The following PDE5A variants were observed in gnomAD, a reference collection of about 807,000 sequenced individuals.
PDE5A encodes the protein cGMP-specific 3',5'-cyclic phosphodiesterase.
Under a neutral mutation model 110.2 loss-of-function variants are expected in PDE5A, and 67 were observed. That is an observed-to-expected ratio of 0.61 (90% CI 0.50 to 0.75). PDE5A has a LOEUF of 0.75. PDE5A is among the 30% of genes least tolerant of loss of function. PDE5A has a pLI of 0.00. For synonymous variants in PDE5A, 328 were observed against 351.2 expected, an observed-to-expected ratio of 0.93 and a Z score of 0.74; for missense variants, 862 against 1,045.1, an observed-to-expected ratio of 0.82 and a Z score of 2.42.
intron 16 of PDE5A, among the ~76,000 whole-genome samples, chr4:119,506,868 TCTC>T (rs546630766): frequency 6.6e-6 from 1 of 151,866 alleles, no homozygotes; most frequent in African/African-American, 2.4e-5. Context: ...TGTTTTTACT[TCTC>T]CTAAGAGTAA....
chr4:119,616,616 C>T (rs890845539), intron 1 of PDE5A, among the ~76,000 whole-genome samples: 10 of 151,956 alleles, frequency 6.6e-5, no homozygotes, highest in African/African-American at 2.4e-4. Context: ...AGTAGAGCAC[C>T]CAGCAAAACT....
chr4:119,498,787 G>C (rs766493005), intron 20 of PDE5A, 49 bp from the exon 21 acceptor site: 17 of 1,606,780 alleles, frequency 1.1e-5, no homozygotes, highest in Non-Finnish European at 1.4e-5. Flanking sequence ...CAGGAAATAA[G>C]TCCTCTCCCA....
At chr4:119,513,189 G>C (rs1358108566) in intron 14 of PDE5A, among the ~76,000 whole-genome samples, 1 of 152,030 alleles carries the variant, frequency 6.6e-6, no homozygotes, top group Non-Finnish European at 1.5e-5. Flanking sequence ...TTCTGCCTTA[G>C]AGCTTTCTGA....
chr4:119,525,498 A>G lies in PDE5A; in HGVS notation c.1779+51T>C. The G allele has an allele frequency of 5.4e-6, 8 of 1,488,640 alleles. No individual in the cohort carries two copies. The highest frequency in any genetic ancestry group is 7.3e-6 in the Non-Finnish European group (8 of 1,092,256). 92.2% of individuals were successfully genotyped at this position (1,488,640 alleles called of 1,614,324 possible). A position where few individuals can be genotyped will look rare whatever the true frequency, so the allele number is the denominator to read the frequency against. The stretch of plus-strand genomic sequence containing the variant: ...TCAAAACCAATTCTCTCTCTTACAT[A>G]CACACACACATACACATAGACTTTT... On this transcript the variant is annotated intron_variant, in intron 12 of 20. Transcript: ENST00000354960. This position sits in a 1 kb window ranked among gnomAD's most constrained non-coding sequence, Gnocchi z 4.3.
In PDE5A at chr4:119,524,798, T is replaced by A. The variant is rs190813232; in HGVS notation, c.1779+751A>T. ...CTGAATTCTTTTTTTTAAATAGTCC[T>A]TTCTGCTGCTTCTTATTCTTTGATG... On this transcript the variant is annotated intron_variant, in intron 12 of 20. Transcript: ENST00000354960. Among the ~76,000 whole-genome samples the A allele has an allele frequency of 6.6e-5, 10 of 152,278 alleles. No homozygotes were observed. In the East Asian group the frequency reaches 1.9e-3, roughly 29 times the overall value.
Position 119,627,349 on chromosome 4 carries a change from GCCGC to G in PDE5A, c.152+1167_152+1170del, listed in dbSNP as rs1267670894. The G allele has an allele frequency of 4.0e-5, 42 of 1,041,428 alleles. No homozygotes were observed. The highest frequency in any genetic ancestry group is 4.8e-5 in the Non-Finnish European group (41 of 862,898). 64.5% of individuals were successfully genotyped at this position (1,041,428 alleles called of 1,614,324 possible). On this transcript the variant is annotated intron_variant, in intron 1 of 20. Coordinates refer to ENST00000354960, the MANE Select transcript of PDE5A (RefSeq NM_001083.4). This position sits in a 1 kb window ranked among gnomAD's most constrained non-coding sequence, Gnocchi z 4.6. ...TCGCCTCCCGCTCGCCCCGCGCTGC[GCCGC>G]CCCCTGGCGGGGAGCGACCGGCAGA...
At chr4:119,599,181 G>T (rs1729253585) in intron 2 of PDE5A, among the ~76,000 whole-genome samples, 1 of 152,126 alleles carries the variant, frequency 6.6e-6, no homozygotes, top group Non-Finnish European at 1.5e-5. Context: ...AAAAGAATCT[G>T]CCAGTAATTT....
intron 20 of PDE5A, chr4:119,499,806 C>T (rs908303980): frequency 3.3e-5 from 5 of 152,210 alleles, no homozygotes; most frequent in Admixed American, 2.6e-4. Context: ...ATCAACCTGC[C>T]TCTGCCTCCC....
chr4:119,565,519 T>C (rs922583702), intron 4 of PDE5A, 109 bp from the exon 5 acceptor site: 3 of 719,486 alleles, frequency 4.2e-6, no homozygotes, highest in Non-Finnish European at 7.2e-6. Flanking sequence ...AAAGAATAGA[T>C]GTTTGTTCTA....
In PDE5A at chr4:119,628,800, T is replaced by C. The variant is rs1453634915; in HGVS notation, c.-129A>G. 5.7e-6 allele frequency: 8 copies of C among 1,408,696 alleles called. No individual in the cohort carries two copies. Among genetic ancestry groups the C allele is most frequent in the African/African-American group, 4.3e-5 (3 of 70,340 alleles). 87.3% of individuals were successfully genotyped at this position (1,408,696 alleles called of 1,614,324 possible). A position where few individuals can be genotyped will look rare whatever the true frequency, so the allele number is the denominator to read the frequency against. ...CGTCCTGCTCCAGTCGGGCCGGCTT[T>C]CGACAAAGCGGCCGGAGCGCCAGGC... On this transcript the variant is annotated 5_prime_UTR_variant, in exon 1 of 21. Coordinates refer to ENST00000354960, the MANE Select transcript of PDE5A (RefSeq NM_001083.4).
intron 3 of PDE5A, among the ~76,000 whole-genome samples, chr4:119,580,471 G>GT (rs1263430904): frequency 6.6e-6 from 1 of 152,176 alleles, no homozygotes; most frequent in East Asian, 1.9e-4. Context: ...TACATTCAGT[G>GT]TTTACTGTTG....
At chr4:119,622,089 G>A (rs1450930014) in intron 1 of PDE5A, among the ~76,000 whole-genome samples, 1 of 151,870 alleles carries the variant, frequency 6.6e-6, no homozygotes, top group Non-Finnish European at 1.5e-5. Flanking sequence ...CAAGAGAATG[G>A]CCTGAACCCG....
intron 1 of PDE5A, 32 bp downstream of exon 1, chr4:119,628,488 A>G (rs200340804): frequency 1.3e-6 from 2 of 1,510,906 alleles, no homozygotes; most frequent in Non-Finnish European, 1.8e-6. Context: ...GAGAGAAATC[A>G]GCCCCGGGTC....
chr4:119,524,943 G>A (rs1332200473), intron 12 of PDE5A, among the ~76,000 whole-genome samples: 1 of 152,008 alleles, frequency 6.6e-6, no homozygotes, highest in African/African-American at 2.4e-5. Context: ...AAGCAACAGA[G>A]GTTAAAATCA....
intron 5 of PDE5A, among the ~76,000 whole-genome samples, chr4:119,564,331 A>C (rs1052677389): frequency 6.6e-6 from 1 of 152,116 alleles, no homozygotes; most frequent in Non-Finnish European, 1.5e-5. Context: ...ATATTTTCAT[A>C]CATGCAAGGA....
intron 18 of PDE5A, among the ~76,000 whole-genome samples, chr4:119,503,815 AT>A (rs1282463294): frequency 6.6e-5 from 10 of 152,160 alleles, no homozygotes; most frequent in Admixed American, 6.6e-4. Flanking sequence ...TACAAATATT[AT>A]GTGCAAATGC....
At chr4:119,560,601 T>C (rs1727714151) in intron 6 of PDE5A, among the ~76,000 whole-genome samples, 1 of 152,224 alleles carries the variant, frequency 6.6e-6, no homozygotes, top group African/African-American at 2.4e-5. Context: ...GGAAGAATGA[T>C]TATATGAGGA....
At chr4:119,539,141 A>G in intron 10 of PDE5A, 122 bp from the exon 11 acceptor site, 1 of 757,348 alleles carries the variant, frequency 1.3e-6, no homozygotes, top group Non-Finnish European at 2.3e-6. Flanking sequence ...TCAGAATGCC[A>G]AATCTTGTTT....
Position 119,538,982 on chromosome 4 carries a change from G to T in PDE5A, c.1610C>A (p.Thr537Lys). 1 of 1,612,712 alleles carries T rather than the reference G, an allele frequency of 6.2e-7. No individual in the cohort carries two copies. The highest frequency in any genetic ancestry group is 1.1e-5 in the South Asian group (1 of 91,050). The change falls in exon 11 of 21, where the codon ACA becomes AAA. Residue 537 changes from threonine to lysine, a missense_variant. Transcript: ENST00000354960. ...SYHASAAEEETRELQSLAAAV... is the reference protein window; with the variant it reads ...SYHASAAEEEKRELQSLAAAV... ...TACCGCTAACGACTGTAGCTCTCTT[G>T]TTTCTTCCTCTGCTGCTGAAGCATG... is the stretch of plus-strand genomic sequence containing the variant.
Sources: gnomAD v4.1 joint callset for allele counts (sites outside exome capture counted in the v4.1 genomes callset) on GRCh38, gnomAD v4.1.1 for gene constraint, Gnocchi (gnomAD v3.1) non-coding constraint, MANE v1.5 for transcripts, NCBI Gene and HGNC (gene_info 2026-07-23, HGNC 2026-07-21) for gene names.